NR1H4: variants seen among roughly 807,000 people sequenced by gnomAD.
NR1H4 encodes the protein nuclear receptor subfamily 1 group H member 4, also known as bile acid receptor.
A neutral mutation model predicts 58.5 loss-of-function variants in NR1H4; 23 were observed. That is an observed-to-expected ratio of 0.39 (90% CI 0.28 to 0.56). The LOEUF (loss-of-function observed/expected upper bound fraction) is 0.56, where lower values mean the gene tolerates loss of function less well. Among genes scored for constraint, NR1H4 ranks in the 20% least tolerant of loss-of-function variants. The probability of loss-of-function intolerance (pLI) is 0.58; values close to 1 mark genes in which losing one functional copy is unlikely to be tolerated. For missense variants in NR1H4, 487 were observed against 576.9 expected (o/e 0.84, Z 1.60); for synonymous variants, 214 against 198.0 (o/e 1.08, Z -0.68).
intron 9 of NR1H4, among the ~76,000 whole-genome samples, chr12:100,545,182 C>G (rs1156947601): frequency 6.6e-6 from 1 of 152,248 alleles, no homozygotes; most frequent in East Asian, 1.9e-4. Flanking sequence ...TGAGCCAAGT[C>G]AGATGCTGCC....
intron 1 of NR1H4, among the ~76,000 whole-genome samples, chr12:100,481,374 A>G (rs1489187080): frequency 6.6e-6 from 1 of 152,210 alleles, no homozygotes; most frequent in African/African-American, 2.4e-5. Flanking sequence ...AACTTTCCTG[A>G]TTATGAAGAG....
At chr12:100,558,299 A>G (rs1488451838) in intron 9 of NR1H4, among the ~76,000 whole-genome samples, 4 of 146,946 alleles carry the variant, frequency 2.7e-5, no homozygotes, top group Non-Finnish European at 6.0e-5. Context: ...CAGTGAGCCA[A>G]GATCACGCCA....
intron 9 of NR1H4, among the ~76,000 whole-genome samples, chr12:100,555,133 G>A (rs1187845505): frequency 6.6e-6 from 1 of 152,070 alleles, no homozygotes; most frequent in Non-Finnish European, 1.5e-5. Flanking sequence ...ATTTAGAAAG[G>A]CAAATGAAAT....
chr12:100,529,353 T>C (rs1954637044), intron 4 of NR1H4, among the ~76,000 whole-genome samples: 1 of 152,140 alleles, frequency 6.6e-6, no homozygotes, highest in African/African-American at 2.4e-5. Context: ...GTCTCCTCTC[T>C]CTAGTCTCCA....
intron 2 of NR1H4, 100 bp from the exon 3 acceptor site, chr12:100,493,170 A>G: frequency 1.6e-6 from 1 of 644,212 alleles, no homozygotes; most frequent in Non-Finnish European, 2.8e-6. Context: ...AAAGGGAGCC[A>G]TTTGTACTTT....
intron 6 of NR1H4, 150 bp from the exon 7 acceptor site, chr12:100,536,362 T>C (rs1423383528): frequency 5.3e-6 from 3 of 568,220 alleles, no homozygotes; most frequent in Non-Finnish European, 9.4e-6. Flanking sequence ...AAAGAAATTA[T>C]ACACTCTCTT....
intron 4 of NR1H4, among the ~76,000 whole-genome samples, chr12:100,514,803 CT>C (rs1342354371): frequency 6.6e-6 from 1 of 152,022 alleles, no homozygotes; most frequent in African/African-American, 2.4e-5. Flanking sequence ...ATAGCATAAG[CT>C]ATATTATATT....
At chr12:100,514,506 T>C (rs1044153806) in intron 4 of NR1H4, among the ~76,000 whole-genome samples, 3 of 152,202 alleles carry the variant, frequency 2.0e-5, no homozygotes, top group African/African-American at 7.2e-5. Context: ...TTGTACATAC[T>C]GTGGGATATT....
intron 4 of NR1H4, among the ~76,000 whole-genome samples, chr12:100,522,110 A>AGAT (rs1230422474): frequency 1.3e-5 from 2 of 151,762 alleles, no homozygotes; most frequent in African/African-American, 4.8e-5. Context: ...AAAGATGAGG[A>AGAT]GATGATGATG....
intron 4 of NR1H4, 59 bp from the exon 5 acceptor site, chr12:100,532,399 G>GT (rs35177932): frequency 6.3e-7 from 1 of 1,588,356 alleles, no homozygotes; most frequent in Non-Finnish European, 8.6e-7. Context: ...ATCCAAACCT[G>GT]TTTTTTTCCT....
rs1374659266 is a variant in NR1H4, at chr12:100,536,570, A to G, written c.791A>G (p.Tyr264Cys). ...CTTCTACATTTTATTATGGATTCATATAACAAACAGAGGATGCCTCAGGAA... is the reference window on the plus strand; with the variant it reads ...CTTCTACATTTTATTATGGATTCATGTAACAAACAGAGGATGCCTCAGGAA... ...QTLLHFIMDS[Y>C]NKQRMPQEIT... The change falls in exon 7 of 11, where the codon TAT becomes TGT. Residue 264 changes from tyrosine to cysteine, a missense_variant. Transcript: ENST00000392986. The G allele has an allele frequency of 1.2e-6, 2 of 1,607,556 alleles. No homozygotes were observed. Among genetic ancestry groups the G allele is most frequent in the South Asian group, 1.1e-5 (1 of 90,912 alleles).
intron 1 of NR1H4, among the ~76,000 whole-genome samples, chr12:100,475,829 G>A (rs977599651): frequency 6.6e-6 from 1 of 152,050 alleles, no homozygotes; most frequent in East Asian, 1.9e-4. Context: ...TCCACCTCCC[G>A]GGTTCAAGCG....
At chr12:100,490,703 C>T (rs1379608708) in intron 1 of NR1H4, among the ~76,000 whole-genome samples, 2 of 151,986 alleles carry the variant, frequency 1.3e-5, no homozygotes, top group East Asian at 3.8e-4. Flanking sequence ...TTATATATAT[C>T]CTTATACAAT....
chr12:100,489,607 C>T lies in NR1H4; in HGVS notation c.-189-2896C>T, dbSNP rs752938641. On this transcript the variant is annotated intron_variant, in intron 1 of 10. Transcript: ENST00000392986. Reference sequence around the variant, plus strand: ...GGCTACACAAAAACAGGCAGCCGACCGGATTTGGCCTGCAGGCAATAGTTT... The same window carrying T: ...GGCTACACAAAAACAGGCAGCCGACTGGATTTGGCCTGCAGGCAATAGTTT... Among the ~76,000 whole-genome samples the T allele has an allele frequency of 2.8e-4, 42 of 152,086 alleles. 1 individual carries two copies. The highest frequency in any genetic ancestry group is 8.9e-4 in the African/African-American group (37 of 41,492).
chr12:100,541,490 C>T (rs570559499), intron 9 of NR1H4, among the ~76,000 whole-genome samples: 24 of 151,988 alleles, frequency 1.6e-4, no homozygotes, highest in Admixed American at 2.6e-4. Flanking sequence ...CCATGTTTCC[C>T]GAGCTGGTCT....
At chr12:100,483,976 T>C (rs187635885) in intron 1 of NR1H4, among the ~76,000 whole-genome samples, 239 of 134,696 alleles carry the variant, frequency 1.8e-3, no homozygotes, top group South Asian at 0.018. Flanking sequence ...AGAGCAAGAC[T>C]CTGTCTCAGA....
Position 100,563,769 on chromosome 12 carries a change from T to G in NR1H4, c.*280T>G. 2.5e-6 allele frequency: 1 copy of G among 405,380 alleles called. No homozygotes were observed. The highest frequency in any genetic ancestry group is 4.4e-6 in the Non-Finnish European group (1 of 226,190). The allele number at this position is 405,380 out of a possible 1,614,324, so 25.1% of individuals were successfully genotyped here. ...GTTACTTCAATTCTATCTGTTGAAC[T>G]AGGGAAAATCTCATTTTGCTCATCT... On this transcript the variant is annotated 3_prime_UTR_variant, in exon 11 of 11. Transcript: ENST00000392986.
chr12:100,491,427 C>T (rs1217860760), intron 1 of NR1H4, among the ~76,000 whole-genome samples: 1 of 151,008 alleles, frequency 6.6e-6, no homozygotes, highest in African/African-American at 2.4e-5. Flanking sequence ...ACGGATCTGC[C>T]TTATACCTCA....
intron 3 of NR1H4, among the ~76,000 whole-genome samples, chr12:100,509,709 T>C (rs1176962231): frequency 2.0e-5 from 3 of 152,238 alleles, no homozygotes; most frequent in African/African-American, 7.2e-5. Context: ...GCAGGCACTG[T>C]ATTCTTTTTT....
Sources: gnomAD v4.1 joint callset for allele counts (sites outside exome capture counted in the v4.1 genomes callset) on GRCh38, gnomAD v4.1.1 for gene constraint, MANE v1.5 for transcripts, NCBI Gene and HGNC (gene_info 2026-07-23, HGNC 2026-07-21) for gene names.